The following CDH4 variants were observed in gnomAD, a reference collection of about 807,000 sequenced individuals.
The protein encoded by CDH4 is cadherin 4, also known as cadherin-4.
CDH4 carries 33 observed loss-of-function variants against 86.0 expected under a neutral mutation model. That is an observed-to-expected ratio of 0.38 (90% CI 0.29 to 0.51). CDH4 has a LOEUF of 0.51. Among genes scored for constraint, CDH4 ranks in the 20% least tolerant of loss-of-function variants. The pLI, the probability that CDH4 is intolerant of heterozygous loss-of-function variation, is 0.86. For synonymous variants in CDH4, 555 were observed against 549.4 expected (o/e 1.01, Z -0.14); for missense variants, 1,114 against 1,307.4 (o/e 0.85, Z 2.28).
chr20:61,334,696 T>C (rs2084607903), intron 2 of CDH4, among the ~76,000 whole-genome samples: 1 of 152,100 alleles, frequency 6.6e-6, no homozygotes, highest in African/African-American at 2.4e-5. Context: ...TTTCAACATA[T>C]GGATTTGGGG....
At chr20:61,926,951 C>T (rs938627889) in intron 11 of CDH4, among the ~76,000 whole-genome samples, 6 of 151,760 alleles carry the variant, frequency 4.0e-5, no homozygotes, top group Non-Finnish European at 7.4e-5. Flanking sequence ...TGGCAGACGC[C>T]GTGTGAGGGA....
chr20:61,633,146 C>CCATCCACCCATT (rs1430121904), intron 2 of CDH4, among the ~76,000 whole-genome samples: 1 of 151,420 alleles, frequency 6.6e-6, no homozygotes, highest in Non-Finnish European at 1.5e-5. Context: ...ATCCTCCCAT[C>CCATCCACCCATT]CATCCACCCA....
chr20:61,657,340 C>G (rs1425569230), intron 2 of CDH4, among the ~76,000 whole-genome samples: 1 of 152,244 alleles, frequency 6.6e-6, no homozygotes, highest in Admixed American at 6.5e-5. Context: ...GTTGCTTCCA[C>G]AGAACCTCAA....
intron 2 of CDH4, among the ~76,000 whole-genome samples, chr20:61,333,800 G>C (rs1469756692): frequency 6.6e-6 from 1 of 152,236 alleles, no homozygotes; most frequent in Admixed American, 6.5e-5. Context: ...CTGTCTGGGA[G>C]ACCTGCTTTG....
chr20:61,574,907 G>T (rs2086371154), intron 2 of CDH4, among the ~76,000 whole-genome samples: 1 of 152,226 alleles, frequency 6.6e-6, no homozygotes, highest in South Asian at 2.1e-4. Flanking sequence ...CCTTTGCTGG[G>T]AAGGATTCTC....
chr20:61,633,640 T>C (rs922365011), intron 2 of CDH4, among the ~76,000 whole-genome samples: 1 of 152,184 alleles, frequency 6.6e-6, no homozygotes, highest in African/African-American at 2.4e-5. Context: ...AAAAGCATGG[T>C]TTCTGGCAGC....
At chr20:61,288,036 A>T (rs1600836702) in intron 2 of CDH4, among the ~76,000 whole-genome samples, 2 of 152,230 alleles carry the variant, frequency 1.3e-5, no homozygotes, top group Non-Finnish European at 2.9e-5. Flanking sequence ...GACAGCCAAC[A>T]GGATTTGGTA....
chr20:61,353,776 C>T (rs188720844), intron 2 of CDH4, among the ~76,000 whole-genome samples: 3,070 of 138,464 alleles, frequency 0.022, 103 homozygotes, highest in African/African-American at 0.075. Flanking sequence ...AGTTCACCTT[C>T]CACTGGGTGG....
chr20:61,635,521 C>T (rs1405916191), intron 2 of CDH4, among the ~76,000 whole-genome samples: 1 of 152,194 alleles, frequency 6.6e-6, no homozygotes, highest in Non-Finnish European at 1.5e-5. Flanking sequence ...GCTGGCTCTT[C>T]TGTGTCCCCT....
intron 2 of CDH4, among the ~76,000 whole-genome samples, chr20:61,719,951 C>T (rs774585190): frequency 6.6e-6 from 1 of 152,146 alleles, no homozygotes; most frequent in Non-Finnish European, 1.5e-5. Context: ...CGGTGTGCTC[C>T]CTCCCAGAGT....
intron 2 of CDH4, among the ~76,000 whole-genome samples, chr20:61,631,081 G>A (rs1464358279): frequency 1.3e-5 from 2 of 152,228 alleles, no homozygotes; most frequent in Admixed American, 6.5e-5. Context: ...AAGTCCAGAG[G>A]TTCCCAGTGG....
chr20:61,315,568 G>A (rs1282926276), intron 2 of CDH4, among the ~76,000 whole-genome samples: 1 of 152,226 alleles, frequency 6.6e-6, no homozygotes, highest in African/African-American at 2.4e-5. Flanking sequence ...CGCAGAACCA[G>A]GCAGGAGGAT....
intron 2 of CDH4, among the ~76,000 whole-genome samples, chr20:61,444,310 T>TG (rs1480511043): frequency 5.3e-4 from 74 of 140,860 alleles, no homozygotes; most frequent in South Asian, 1.6e-3. Flanking sequence ...TGTGTATGTA[T>TG]TTTTGTGTAT....
intron 2 of CDH4, among the ~76,000 whole-genome samples, chr20:61,661,374 A>C (rs1402960775): frequency 6.6e-6 from 1 of 152,080 alleles, no homozygotes; most frequent in Non-Finnish European, 1.5e-5. Flanking sequence ...ATTCTGCCTC[A>C]ACAACAGGAG....
intron 2 of CDH4, among the ~76,000 whole-genome samples, chr20:61,432,910 A>C (rs1318246213): frequency 7.4e-6 from 1 of 135,866 alleles, no homozygotes; most frequent in Non-Finnish European, 1.5e-5. Context: ...GTGATCTCGG[A>C]TCACTGCAGC....
At chr20:61,638,543 C>T (rs1263584170) in intron 2 of CDH4, among the ~76,000 whole-genome samples, 5 of 152,056 alleles carry the variant, frequency 3.3e-5, no homozygotes, top group Admixed American at 1.3e-4. Context: ...GGAGGGCAGC[C>T]GGGTGACATG....
At chr20:61,755,489 TCACACACCA>T (rs2088553370) in intron 3 of CDH4, among the ~76,000 whole-genome samples, 1 of 114,422 alleles carries the variant, frequency 8.7e-6, no homozygotes, top group East Asian at 2.8e-4. Flanking sequence ...ACAGTGCACA[TCACACACCA>T]CACACACACA....
chr20:61,320,155 G>A (rs1191737732), intron 2 of CDH4, among the ~76,000 whole-genome samples: 4 of 152,096 alleles, frequency 2.6e-5, no homozygotes, highest in East Asian at 1.9e-4. Flanking sequence ...TTTGGGCCTC[G>A]GTGTTGCTGA....
intron 4 of CDH4, among the ~76,000 whole-genome samples, chr20:61,782,167 G>A (rs1289017326): frequency 1.3e-5 from 2 of 152,064 alleles, no homozygotes; most frequent in African/African-American, 4.8e-5. Flanking sequence ...AAATCAGCTG[G>A]GTGTGGTGGC....
Sources: gnomAD v4.1 joint callset for allele counts (sites outside exome capture counted in the v4.1 genomes callset) on GRCh38, gnomAD v4.1.1 for gene constraint, MANE v1.5 for transcripts, NCBI Gene and HGNC (gene_info 2026-07-23, HGNC 2026-07-21) for gene names.